The following EHBP1 variants were observed in gnomAD, a reference collection of about 807,000 sequenced individuals.
EHBP1 encodes the protein EH domain binding protein 1.
A neutral mutation model predicts 144.0 loss-of-function variants in EHBP1; 55 were observed. The observed-to-expected ratio is 0.38, with a 90% confidence interval of 0.31 to 0.48. EHBP1 has a LOEUF of 0.48. Ranked by LOEUF, EHBP1 falls within the 20% of genes least tolerant of loss-of-function variation. The pLI is 0.98. For missense variants in EHBP1, 1,200 were observed against 1,364.2 expected, an observed-to-expected ratio of 0.88 and a Z score of 1.90; for synonymous variants, 469 against 472.7, an observed-to-expected ratio of 0.99 and a Z score of 0.10.
chr2:62,761,855 C>T (rs1019511642), intron 3 of EHBP1, among the ~76,000 whole-genome samples: 1 of 152,178 alleles, frequency 6.6e-6, no homozygotes, highest in Non-Finnish European at 1.5e-5. Flanking sequence ...TCCACTAGCG[C>T]CAACCTGTTT....
At chr2:62,810,679 A>C (rs987741403) in intron 5 of EHBP1, among the ~76,000 whole-genome samples, 2 of 152,234 alleles carry the variant, frequency 1.3e-5, no homozygotes, top group South Asian at 4.1e-4. Flanking sequence ...CAGCACATGC[A>C]TTCAAGTCCA....
chr2:62,827,652 A>G (rs1191786697), intron 6 of EHBP1, among the ~76,000 whole-genome samples: 2 of 151,900 alleles, frequency 1.3e-5, no homozygotes, highest in Non-Finnish European at 2.9e-5. Context: ...TTAAAATGGT[A>G]TGCAATTAAG....
chr2:62,729,568 ATAAT>A (rs1202629971), intron 2 of EHBP1, among the ~76,000 whole-genome samples: 2 of 126,610 alleles, frequency 1.6e-5, no homozygotes, highest in African/African-American at 3.0e-5. Flanking sequence ...ATAATATAAT[ATAAT>A]AAATAAATAT....
intron 12 of EHBP1, among the ~76,000 whole-genome samples, chr2:62,946,337 A>G (rs1359007738): frequency 6.6e-6 from 1 of 152,168 alleles, no homozygotes; most frequent in Non-Finnish European, 1.5e-5. Context: ...TTTTTTTTCA[A>G]TTAAATCTTC....
intron 10 of EHBP1, among the ~76,000 whole-genome samples, chr2:62,883,023 C>T (rs1391154898): frequency 6.6e-6 from 1 of 152,138 alleles, no homozygotes; most frequent in Non-Finnish European, 1.5e-5. Context: ...TACACACACA[C>T]ATATACATAC....
Position 62,727,290 on chromosome 2 carries a change from C to CT in EHBP1, c.104+20008dup, listed in dbSNP as rs35017540. ...TGTTATTCTGGATTTCTTCTTCTTCCTTTTTTTTTTTTTAAACAGATTTAT... is the reference window on the plus strand; with the variant it reads ...TGTTATTCTGGATTTCTTCTTCTTCCTTTTTTTTTTTTTTAAACAGATTTAT... On this transcript the variant is annotated intron_variant, in intron 2 of 22. Transcript: ENST00000431489. Among the ~76,000 whole-genome samples, 380 of 145,296 alleles carry CT rather than the reference C, an allele frequency of 2.6e-3. 1 individual carries two copies. The highest frequency in any genetic ancestry group is 3.7e-3 in the South Asian group (17 of 4,604).
chr2:62,863,837 GTTGTTTTTTTT>G (rs1275869098), intron 8 of EHBP1, among the ~76,000 whole-genome samples: 4 of 74,574 alleles, frequency 5.4e-5, no homozygotes, highest in African/African-American at 1.5e-4. Flanking sequence ...ATTTTTCTGT[GTTGTTTTTTTT>G]TTTTTTTTTT....
intron 1 of EHBP1, among the ~76,000 whole-genome samples, chr2:62,690,996 A>G (rs2033886279): frequency 6.6e-6 from 1 of 152,248 alleles, no homozygotes; most frequent in South Asian, 2.1e-4. Flanking sequence ...TGGAAGATCA[A>G]ATCAAGAGCC....
rs576208216 is a variant in EHBP1, at chr2:62,975,711, C to CT, written c.2461-3476dup. Among the ~76,000 whole-genome samples, 3 of 151,948 alleles carry CT rather than the reference C, an allele frequency of 2.0e-5. No homozygotes were observed. The East Asian group carries it at 5.8e-4, about 29-fold the overall frequency. Reference sequence around the variant, plus strand: ...CCAACATGGGCAACACAGGGAGACCCTGTCTCTACAAAAATTAAAAAGAAA... The same window carrying CT: ...CCAACATGGGCAACACAGGGAGACCCTTGTCTCTACAAAAATTAAAAAGAAA... On this transcript the variant is annotated intron_variant, in intron 14 of 22. Coordinates refer to ENST00000431489, the MANE Select transcript of EHBP1 (RefSeq NM_001142616.3).
chr2:62,859,738 G>T (rs948867866), intron 8 of EHBP1, among the ~76,000 whole-genome samples: 1 of 152,108 alleles, frequency 6.6e-6, no homozygotes, highest in Non-Finnish European at 1.5e-5. Flanking sequence ...CAGAGAGTAG[G>T]TTAAGAACCG....
At chr2:62,737,392 C>T (rs967730715) in intron 2 of EHBP1, among the ~76,000 whole-genome samples, 1 of 152,088 alleles carries the variant, frequency 6.6e-6, no homozygotes, top group African/African-American at 2.4e-5. Context: ...GAGTTTTTAT[C>T]TCTCAGACTT....
At chr2:62,939,644 A>G (rs904540420) in intron 10 of EHBP1, among the ~76,000 whole-genome samples, 3 of 152,078 alleles carry the variant, frequency 2.0e-5, no homozygotes, top group African/African-American at 7.2e-5. Flanking sequence ...AACCATGCAG[A>G]TATCTGAGAG....
intron 7 of EHBP1, among the ~76,000 whole-genome samples, chr2:62,847,282 A>G (rs2048359532): frequency 6.6e-6 from 1 of 152,116 alleles, no homozygotes; most frequent in Non-Finnish European, 1.5e-5. Flanking sequence ...CTCAACCCCC[A>G]CCTCTCCACA....
intron 2 of EHBP1, among the ~76,000 whole-genome samples, chr2:62,718,247 G>T (rs573780112): frequency 6.6e-6 from 1 of 152,162 alleles, no homozygotes; most frequent in African/African-American, 2.4e-5. Context: ...AAATTTAGAA[G>T]AATGGAAATT....
intron 10 of EHBP1, among the ~76,000 whole-genome samples, chr2:62,900,673 T>G (rs116099035): frequency 0.012 from 1,832 of 148,026 alleles, 51 homozygotes; most frequent in African/African-American, 0.041. Context: ...TTTGTGGGTG[T>G]GTGTGTATGT....
chr2:62,925,840 A>G (rs936235294), intron 10 of EHBP1, among the ~76,000 whole-genome samples: 1 of 152,168 alleles, frequency 6.6e-6, no homozygotes, highest in South Asian at 2.1e-4. Context: ...AAAGCGATCT[A>G]CAGATTAAAT....
chr2:62,699,429 C>T (rs1291307619), intron 1 of EHBP1, among the ~76,000 whole-genome samples: 1 of 152,212 alleles, frequency 6.6e-6, no homozygotes, highest in East Asian at 1.9e-4. Flanking sequence ...CAACTCAAAT[C>T]TTTGCTGCTA....
At chr2:62,791,421 C>T (rs188666202) in intron 5 of EHBP1, among the ~76,000 whole-genome samples, 3 of 152,070 alleles carry the variant, frequency 2.0e-5, no homozygotes, top group East Asian at 1.9e-4. Context: ...GCATGTGATT[C>T]CCTGCTTCAG....
At chr2:62,781,379 A>G (rs1489651985) in intron 5 of EHBP1, among the ~76,000 whole-genome samples, 3 of 152,170 alleles carry the variant, frequency 2.0e-5, no homozygotes, top group African/African-American at 7.2e-5. Flanking sequence ...ACCTGACCTT[A>G]CCCAAAATGA....
Sources: gnomAD v4.1 joint callset for allele counts (sites outside exome capture counted in the v4.1 genomes callset) on GRCh38, gnomAD v4.1.1 for gene constraint, MANE v1.5 for transcripts, NCBI Gene and HGNC (gene_info 2026-07-23, HGNC 2026-07-21) for gene names.